The following LRMDA variants were observed in gnomAD, a reference collection of about 807,000 sequenced individuals.
The protein encoded by LRMDA is leucine-rich melanocyte differentiation-associated protein.
Under a neutral mutation model 29.8 loss-of-function variants are expected in LRMDA, and 18 were observed. The observed-to-expected ratio is 0.60, with a 90% CI of 0.42 to 0.90. LRMDA has a LOEUF of 0.90. Ranked by LOEUF, LRMDA falls within the 40% of genes least tolerant of loss-of-function variation. LRMDA has a pLI of 0.00. For missense variants in LRMDA, 273 were observed against 273.9 expected (o/e 1.00, Z 0.02); for synonymous variants, 125 against 109.4 (o/e 1.14, Z -0.89).
At chr10:75,657,100 G>A (rs1451374756) in intron 2 of LRMDA, among the ~76,000 whole-genome samples, 2 of 152,190 alleles carry the variant, frequency 1.3e-5, no homozygotes, top group Non-Finnish European at 2.9e-5. Context: ...AACATATTGG[G>A]TAGCAGTAGA....
At chr10:75,991,413 T>G (rs140971690) in intron 2 of LRMDA, among the ~76,000 whole-genome samples, 1 of 152,206 alleles carries the variant, frequency 6.6e-6, no homozygotes, top group African/African-American at 2.4e-5. Context: ...CAACTGAGCT[T>G]CTTTCTGACC....
At chr10:75,774,198 CACTT>C (rs1282894209) in intron 2 of LRMDA, among the ~76,000 whole-genome samples, 1 of 152,180 alleles carries the variant, frequency 6.6e-6, no homozygotes, top group Non-Finnish European at 1.5e-5. Context: ...ATTTATCTCA[CACTT>C]AATTTTTATC....
intron 2 of LRMDA, among the ~76,000 whole-genome samples, chr10:75,466,847 T>C (rs1220753826): frequency 6.6e-6 from 1 of 152,148 alleles, no homozygotes; most frequent in Non-Finnish European, 1.5e-5. Flanking sequence ...TAGATTCTCC[T>C]TTTCTAGCTT....
At chr10:76,516,758 T>G (rs1350036206) in intron 6 of LRMDA, among the ~76,000 whole-genome samples, 1 of 152,194 alleles carries the variant, frequency 6.6e-6, no homozygotes, top group Non-Finnish European at 1.5e-5. Flanking sequence ...GACATTTGGG[T>G]TGGTTCCAAG....
chr10:75,572,430 G>A (rs1209314728), intron 2 of LRMDA, among the ~76,000 whole-genome samples: 4 of 151,756 alleles, frequency 2.6e-5, no homozygotes, highest in African/African-American at 9.7e-5. Flanking sequence ...GGCACCCCCG[G>A]CAGATAGAAC....
At chr10:75,634,489 G>A (rs1428701370) in intron 2 of LRMDA, among the ~76,000 whole-genome samples, 4 of 152,214 alleles carry the variant, frequency 2.6e-5, no homozygotes, top group Non-Finnish European at 5.9e-5. Context: ...TCAGAACAGA[G>A]TGGCAGCTGC....
chr10:75,677,304 T>C (rs1057486563), intron 2 of LRMDA, among the ~76,000 whole-genome samples: 23 of 152,160 alleles, frequency 1.5e-4, no homozygotes, highest in African/African-American at 5.3e-4. Context: ...CTGTCAGAAT[T>C]CCCATCTGAT....
intron 2 of LRMDA, among the ~76,000 whole-genome samples, chr10:75,448,614 G>A (rs571674144): frequency 6.6e-6 from 1 of 152,324 alleles, no homozygotes; most frequent in East Asian, 1.9e-4. Flanking sequence ...CATTTAGTGG[G>A]TGAGGCCAGG....
chr10:75,912,282 T>C (rs1845855306), intron 2 of LRMDA, among the ~76,000 whole-genome samples: 1 of 152,230 alleles, frequency 6.6e-6, no homozygotes, highest in African/African-American at 2.4e-5. Flanking sequence ...GAAACCAGAC[T>C]ATAATATCTT....
At chr10:76,370,843 A>G (rs1419848355) in intron 6 of LRMDA, among the ~76,000 whole-genome samples, 1 of 152,142 alleles carries the variant, frequency 6.6e-6, no homozygotes, top group Non-Finnish European at 1.5e-5. Context: ...TCAACCCATT[A>G]TAAGTTGAGG....
intron 2 of LRMDA, among the ~76,000 whole-genome samples, chr10:75,957,226 G>A (rs1846678468): frequency 6.6e-6 from 1 of 152,220 alleles, no homozygotes; most frequent in South Asian, 2.1e-4. Context: ...TGAACCGTTA[G>A]TGGGCTATGC....
chr10:76,223,172 C>T (rs1007499452), intron 5 of LRMDA, among the ~76,000 whole-genome samples: 3 of 151,800 alleles, frequency 2.0e-5, no homozygotes, highest in African/African-American at 4.8e-5. Context: ...TGCTAAATGA[C>T]GAGTTAATGG....
At chr10:75,546,079 A>C (rs1247429433) in intron 2 of LRMDA, among the ~76,000 whole-genome samples, 1 of 152,138 alleles carries the variant, frequency 6.6e-6, no homozygotes, top group Non-Finnish European at 1.5e-5. Flanking sequence ...TTTATGGTGT[A>C]AGTTGGAATC....
chr10:76,458,701 T>C (rs2132306293), intron 6 of LRMDA, among the ~76,000 whole-genome samples: 1 of 152,270 alleles, frequency 6.6e-6, no homozygotes, highest in East Asian at 1.9e-4. Flanking sequence ...TGTTGTATCA[T>C]TCATGTGGGA....
intron 6 of LRMDA, among the ~76,000 whole-genome samples, chr10:76,509,788 T>A (rs1842991384): frequency 6.6e-6 from 1 of 152,108 alleles, no homozygotes; most frequent in African/African-American, 2.4e-5. Context: ...AACACTCAGG[T>A]CACTGTAAGC....
At chr10:76,308,699 G>T (rs189664165) in intron 5 of LRMDA, among the ~76,000 whole-genome samples, 6 of 152,254 alleles carry the variant, frequency 3.9e-5, no homozygotes, top group African/African-American at 1.4e-4. Flanking sequence ...CACCCATATG[G>T]CTCACATTTT....
At chr10:75,827,837 A>C (rs1564579229) in intron 2 of LRMDA, among the ~76,000 whole-genome samples, 1 of 152,166 alleles carries the variant, frequency 6.6e-6, no homozygotes, top group Non-Finnish European at 1.5e-5. Context: ...GCTTCATATG[A>C]GGTCTGAAAG....
intron 5 of LRMDA, among the ~76,000 whole-genome samples, chr10:76,091,866 T>A (rs543031947): frequency 4.1e-4 from 23 of 56,132 alleles, no homozygotes; most frequent in African/African-American, 1.4e-3. Context: ...AAAAAAAAAA[T>A]TTTTTTGTAT....
At chr10:75,614,014 T>C (rs1841067881) in intron 2 of LRMDA, among the ~76,000 whole-genome samples, 1 of 152,182 alleles carries the variant, frequency 6.6e-6, no homozygotes. Context: ...AAATGTGGCT[T>C]CAGCATGTGA....
Sources: gnomAD v4.1 joint callset for allele counts (sites outside exome capture counted in the v4.1 genomes callset) on GRCh38, gnomAD v4.1.1 for gene constraint, MANE v1.5 for transcripts, NCBI Gene and HGNC (gene_info 2026-07-23, HGNC 2026-07-21) for gene names.